Variants in NAPEPLD observed in about 807,000 individuals in gnomAD.
The protein encoded by NAPEPLD is N-acyl phosphatidylethanolamine phospholipase D.
A neutral mutation model predicts 38.1 loss-of-function variants in NAPEPLD; 23 were observed. That is an observed-to-expected ratio of 0.60 (90% confidence interval 0.43 to 0.86). NAPEPLD has a LOEUF of 0.86. Ranked by LOEUF, NAPEPLD falls within the 40% of genes least tolerant of loss-of-function variation. The pLI is 0.00. For missense variants in NAPEPLD, 411 were observed against 476.8 expected, an observed-to-expected ratio of 0.86 and a Z score of 1.28; for synonymous variants, 147 against 162.0, an observed-to-expected ratio of 0.91 and a Z score of 0.71.
At chr7:103,122,026 A>G (rs555009487) in intron 2 of NAPEPLD, among the ~76,000 whole-genome samples, 1 of 152,298 alleles carries the variant, frequency 6.6e-6, no homozygotes, top group East Asian at 1.9e-4. Flanking sequence ...GGCAGGGGAC[A>G]AACTAAATCT....
At chr7:103,133,678 C>T (rs2129532609) in intron 1 of NAPEPLD, among the ~76,000 whole-genome samples, 1 of 152,284 alleles carries the variant, frequency 6.6e-6, no homozygotes, top group Non-Finnish European at 1.5e-5. Context: ...CTTGACAAAC[C>T]CCTTAACATA....
intron 2 of NAPEPLD, chr7:103,127,263 C>G (rs1322740548): frequency 6.6e-6 from 1 of 152,174 alleles, no homozygotes; most frequent in African/African-American, 2.4e-5. Context: ...AAGGACGGCA[C>G]TGAACTTCCC....
chr7:103,147,208 T>C (rs1812746224), intron 1 of NAPEPLD, among the ~76,000 whole-genome samples: 2 of 152,274 alleles, frequency 1.3e-5, no homozygotes, highest in Admixed American at 6.5e-5. Flanking sequence ...GAAATATTAC[T>C]TGAATCTTAT....
chr7:103,103,623 G>A (rs1802722128), intron 4 of NAPEPLD, 69 bp from the exon 5 acceptor site: 1 of 1,497,038 alleles, frequency 6.7e-7, no homozygotes, highest in Non-Finnish European at 8.9e-7. Context: ...CCAAATAACA[G>A]TTCAAACTAA....
intron 2 of NAPEPLD, among the ~76,000 whole-genome samples, chr7:103,120,507 G>A (rs150634649): frequency 2.6e-5 from 4 of 151,846 alleles, no homozygotes; most frequent in Admixed American, 1.3e-4. Flanking sequence ...TTTTTTAAAG[G>A]CTCTCTTCAG....
At chr7:103,121,840 C>T (rs1200097789) in intron 2 of NAPEPLD, among the ~76,000 whole-genome samples, 1 of 151,972 alleles carries the variant, frequency 6.6e-6, no homozygotes, top group Non-Finnish European at 1.5e-5. Context: ...CATGTTATAG[C>T]CTGATAAGAA....
In NAPEPLD at chr7:103,103,426, TTATTAA is replaced by T; in HGVS notation, c.1179_*2del. On this transcript the variant is annotated stop_lost and 3_prime_UTR_variant, in exon 5 of 5. Coordinates refer to ENST00000465647, the MANE Select transcript of NAPEPLD (RefSeq NM_001122838.3). ...TCATTAAAAGTGCCTGTGCTCACAT[TTATTAA>T]AAGTTTTCATCATCATTATTTAGGT... The T allele has an allele frequency of 1.3e-6, 2 of 1,552,152 alleles. No individual in the cohort carries two copies. The highest frequency in any genetic ancestry group is 1.7e-6 in the Non-Finnish European group (2 of 1,159,336).
intron 4 of NAPEPLD, among the ~76,000 whole-genome samples, chr7:103,107,657 G>C (rs1277003725): frequency 6.6e-6 from 1 of 151,930 alleles, no homozygotes. Context: ...ATCAGAGATT[G>C]AAGATCAACT....
intron 4 of NAPEPLD, among the ~76,000 whole-genome samples, chr7:103,109,163 A>G (rs1585827644): frequency 6.6e-6 from 1 of 152,202 alleles, no homozygotes; most frequent in East Asian, 1.9e-4. Flanking sequence ...CCACATTGTC[A>G]ATATTAGACA....
chr7:103,148,067 C>T, intron 1 of NAPEPLD: 1 of 984,912 alleles, frequency 1.0e-6, no homozygotes, highest in Non-Finnish European at 1.2e-6. Context: ...TCTTTCTAAA[C>T]GATGTCCATG....
intron 4 of NAPEPLD, among the ~76,000 whole-genome samples, chr7:103,110,071 C>T (rs116953539): frequency 0.013 from 1,982 of 152,192 alleles, 28 homozygotes; most frequent in Non-Finnish European, 0.022. Context: ...ATTGAGGACG[C>T]AATTAATAGC....
rs1802250513 is a variant in NAPEPLD at position 103,100,525 on chromosome 7, T to C, written c.*2904A>G. On this transcript the variant is annotated 3_prime_UTR_variant, in exon 5 of 5. Coordinates refer to ENST00000465647, the MANE Select transcript of NAPEPLD (RefSeq NM_001122838.3). ...GTAGGTCACGGCATATGTTGGCTTT[T>C]ATAATTTGGGATTTCTCCTAATTGA... is the stretch of plus-strand genomic sequence containing the variant. 1 of 152,226 alleles carries C rather than the reference T, an allele frequency of 6.6e-6. No homozygotes were observed. The highest frequency in any genetic ancestry group is 2.1e-4 in the South Asian group (1 of 4,830). 9.4% of individuals were successfully genotyped at this position (152,226 alleles called of 1,614,324 possible). A position where few individuals can be genotyped will look rare whatever the true frequency, so the allele number is the denominator to read the frequency against.
intron 1 of NAPEPLD, among the ~76,000 whole-genome samples, chr7:103,146,523 T>C (rs1160565950): frequency 1.3e-5 from 2 of 152,176 alleles, no homozygotes; most frequent in East Asian, 1.9e-4. Context: ...CCAAATTAGA[T>C]AAACACAAGA....
intron 1 of NAPEPLD, among the ~76,000 whole-genome samples, chr7:103,131,464 G>C (rs904216750): frequency 1.3e-5 from 2 of 152,080 alleles, no homozygotes; most frequent in African/African-American, 2.4e-5. Flanking sequence ...TTCAAGATTG[G>C]CCTGGCCAAG....
intron 1 of NAPEPLD, among the ~76,000 whole-genome samples, chr7:103,144,462 G>C (rs1812142995): frequency 6.6e-6 from 1 of 152,022 alleles, no homozygotes; most frequent in Non-Finnish European, 1.5e-5. Flanking sequence ...CTAATTTACA[G>C]TTACATTGAA....
chr7:103,113,606 T>C (rs927088240), intron 4 of NAPEPLD, among the ~76,000 whole-genome samples: 1 of 150,312 alleles, frequency 6.7e-6, no homozygotes, highest in African/African-American at 2.4e-5. Flanking sequence ...TCTCACTTTT[T>C]TTTTTAAGAC....
intron 1 of NAPEPLD, among the ~76,000 whole-genome samples, chr7:103,145,593 T>C (rs1022583886): frequency 1.2e-4 from 18 of 152,226 alleles, no homozygotes; most frequent in Admixed American, 3.9e-4. Context: ...ATTAAAGAGA[T>C]TGGACCAGGT....
intron 1 of NAPEPLD, chr7:103,141,617 C>T (rs903688210): frequency 6.6e-6 from 6 of 911,194 alleles, no homozygotes; most frequent in Non-Finnish European, 1.1e-5. Context: ...TTCACGGTAT[C>T]TTCTGAGCAG....
chr7:103,120,150 G>A lies in NAPEPLD; in HGVS notation c.368C>T (p.Ala123Val), dbSNP rs1244718729. The change falls in exon 3 of 5, where the codon GCT (alanine) becomes GTT (valine). Residue 123 changes from alanine (A) to valine (V), a missense_variant. By Grantham distance (64) the Ala-to-Val change is moderately conservative. Transcript: ENST00000465647. ...TCCCAGCCATGTGACTCTTAAGCCAGCTTCCCTCACTCCAGCTTCTTCAGG... is the reference window on the plus strand; with the variant it reads ...TCCCAGCCATGTGACTCTTAAGCCAACTTCCCTCACTCCAGCTTCTTCAGG... The part of the protein sequence containing the change: ...TNPEEAGVRE[A>V]GLRVTWLGHA... The A allele has an allele frequency of 6.2e-6, 10 of 1,614,044 alleles. No homozygotes were observed. The East Asian group carries it at 2.2e-4, about 36-fold the overall frequency.
Sources: allele counts gnomAD v4.1 joint callset (sites outside exome capture counted in the v4.1 genomes callset), GRCh38; gene constraint gnomAD v4.1.1; transcripts MANE v1.5; gene names NCBI Gene and HGNC (gene_info 2026-07-23, HGNC 2026-07-21).